The following PARP8 variants were observed in gnomAD, a reference collection of about 807,000 sequenced individuals.
PARP8 encodes poly(ADP-ribose) polymerase family member 8.
A neutral mutation model predicts 124.1 loss-of-function variants in PARP8; 51 were observed. The observed-to-expected ratio is 0.41, with a 90% CI of 0.33 to 0.52. PARP8 has a LOEUF of 0.52. Ranked by LOEUF, PARP8 falls within the 20% of genes least tolerant of loss-of-function variation. PARP8 has a pLI of 0.21. For missense variants in PARP8, 860 were observed against 1,018.9 expected, an observed-to-expected ratio of 0.84 and a Z score of 2.12; for synonymous variants, 391 against 361.5, an observed-to-expected ratio of 1.08 and a Z score of -0.93.
intron 2 of PARP8, among the ~76,000 whole-genome samples, chr5:50,703,877 T>A (rs1307188470): frequency 6.6e-6 from 1 of 151,938 alleles, no homozygotes. Context: ...CTAGCCTGCA[T>A]GATAAAATGA....
At chr5:50,798,452 G>T in intron 14 of PARP8, among the ~76,000 whole-genome samples, 1 of 146,146 alleles carries the variant, frequency 6.8e-6, no homozygotes, top group African/African-American at 2.5e-5. Flanking sequence ...ACAGAGTCTC[G>T]CTCTGTCACC....
chr5:50,819,613 G>GTATTTTTA (rs1427749397), intron 15 of PARP8, among the ~76,000 whole-genome samples: 2 of 151,604 alleles, frequency 1.3e-5, no homozygotes, highest in Non-Finnish European at 2.9e-5. Flanking sequence ...GCTAATTTTT[G>GTATTTTTA]TATTTTTAGT....
intron 25 of PARP8, among the ~76,000 whole-genome samples, chr5:50,839,187 CA>C (rs1174581337): frequency 6.6e-6 from 1 of 151,970 alleles, no homozygotes; most frequent in Non-Finnish European, 1.5e-5. Flanking sequence ...ATTTTTAAAG[CA>C]AATTGGTTAA....
At chr5:50,820,692 A>T (rs1015214681) in intron 15 of PARP8, among the ~76,000 whole-genome samples, 1 of 152,174 alleles carries the variant, frequency 6.6e-6, no homozygotes, top group Non-Finnish European at 1.5e-5. Context: ...TTCTCGCCAG[A>T]TGGTCGCATG....
intron 14 of PARP8, among the ~76,000 whole-genome samples, chr5:50,801,261 G>T (rs818984): frequency 1.3e-5 from 2 of 151,860 alleles, no homozygotes; most frequent in Non-Finnish European, 2.9e-5. Context: ...CACCACACCC[G>T]GCTAATTTTG....
At chr5:50,757,076 T>C (rs1468144728) in intron 3 of PARP8, 1 of 437,996 alleles carries the variant, frequency 2.3e-6, no homozygotes. Context: ...CAACCATCCA[T>C]TGATGAACAC....
chr5:50,780,433 A>G (rs760483986), intron 9 of PARP8, among the ~76,000 whole-genome samples: 5 of 152,216 alleles, frequency 3.3e-5, no homozygotes, highest in African/African-American at 4.8e-5. Context: ...CCCCATCTGT[A>G]TAAGATGATA....
chr5:50,837,000 A>AT (rs201064621), intron 25 of PARP8, among the ~76,000 whole-genome samples: 3,628 of 152,244 alleles, frequency 0.024, 115 homozygotes, highest in African/African-American at 0.071. Flanking sequence ...AGGCAGTACC[A>AT]TTTTTAGTAT....
chr5:50,713,939 T>G (rs557831189), intron 2 of PARP8, among the ~76,000 whole-genome samples: 109 of 152,172 alleles, frequency 7.2e-4, no homozygotes, highest in African/African-American at 2.4e-3. Context: ...CTCCTGGAGC[T>G]CCTGGCAGGA....
chr5:50,700,534 G>T (rs1354981207), intron 2 of PARP8, among the ~76,000 whole-genome samples: 2 of 152,182 alleles, frequency 1.3e-5, no homozygotes, highest in Non-Finnish European at 2.9e-5. Flanking sequence ...AGTGTGCTCT[G>T]TGGAATAAAT....
At chr5:50,796,190 A>G (rs1742530707) in intron 12 of PARP8, among the ~76,000 whole-genome samples, 1 of 152,202 alleles carries the variant, frequency 6.6e-6, no homozygotes, top group Non-Finnish European at 1.5e-5. Flanking sequence ...TGCTAAATAT[A>G]TATGTGTGTA....
At chr5:50,747,493 T>C (rs1758719923) in intron 2 of PARP8, among the ~76,000 whole-genome samples, 1 of 151,972 alleles carries the variant, frequency 6.6e-6, no homozygotes, top group Non-Finnish European at 1.5e-5. Context: ...CAAATTATGA[T>C]TGTTGAGTTG....
chr5:50,798,491 G>T (rs1322898049), intron 14 of PARP8, among the ~76,000 whole-genome samples: 1 of 151,404 alleles, frequency 6.6e-6, no homozygotes, highest in Non-Finnish European at 1.5e-5. Flanking sequence ...CACGATCTCG[G>T]CTCACTGCAA....
At position 50,666,776 on chromosome 5, in the gene PARP8, G is replaced by C; in HGVS notation, c.-320G>C. 1 of 903,110 alleles carries C rather than the reference G, an allele frequency of 1.1e-6. No individual in the cohort carries two copies. The highest frequency in any genetic ancestry group is 1.4e-6 in the Non-Finnish European group (1 of 710,416). The allele number at this position is 903,110 out of a possible 1,614,324, so 55.9% of individuals were successfully genotyped here. On this transcript the variant is annotated 5_prime_UTR_variant, in exon 1 of 26. Transcript: ENST00000281631. ...CCTCGGCCCCCACGGCCGTTGGTCC[G>C]GGCGGGTGAGGGAGAAAGTGAGACT...
At chr5:50,828,492 A>T in intron 21 of PARP8, 108 bp downstream of exon 21, 2 of 951,984 alleles carry the variant, frequency 2.1e-6, no homozygotes, top group Non-Finnish European at 3.3e-6. Flanking sequence ...CATGTGAGTA[A>T]GACATTATAT....
rs79601904 is a variant in PARP8 at position 50,688,091 on chromosome 5, T to C, written c.146+19966T>C. Among the ~76,000 whole-genome samples, 1,151 of 152,296 alleles carry C rather than the reference T, an allele frequency of 7.6e-3. 15 individuals carry two copies. The highest frequency in any genetic ancestry group is 0.026 in the African/African-American group (1,081 of 41,562). On this transcript the variant is annotated intron_variant, in intron 2 of 25. Coordinates refer to ENST00000281631, the MANE Select transcript of PARP8 (RefSeq NM_024615.4). ...CTGGAAGTTCTAGGCTCAGGGGATC[T>C]TCCTACCTTGGCTTCCCAAAGCTCT...
intron 14 of PARP8, among the ~76,000 whole-genome samples, chr5:50,802,978 A>G (rs563549102): frequency 6.6e-6 from 1 of 152,214 alleles, no homozygotes; most frequent in Non-Finnish European, 1.5e-5. Context: ...CCCTTCATTA[A>G]TTCCTGTGGG....
intron 2 of PARP8, among the ~76,000 whole-genome samples, chr5:50,713,012 G>T (rs2149491437): frequency 6.6e-6 from 1 of 152,070 alleles, no homozygotes; most frequent in South Asian, 2.1e-4. Flanking sequence ...AATTAAAAGA[G>T]TGAGTATAAG....
At position 50,845,092 on chromosome 5, in the gene PARP8, C is replaced by G. The variant is rs1416694799; in HGVS notation, c.*3024C>G. The G allele has an allele frequency of 1.3e-5, 2 of 151,278 alleles. No individual in the cohort carries two copies. Among genetic ancestry groups the G allele is most frequent in the Non-Finnish European group, 3.0e-5 (2 of 67,652 alleles). The allele number at this position is 151,278 out of a possible 1,614,324, so 9.4% of individuals were successfully genotyped here. A position where few individuals can be genotyped will look rare whatever the true frequency, so the allele number is the denominator to read the frequency against. On this transcript the variant is annotated 3_prime_UTR_variant, in exon 26 of 26. Transcript: ENST00000281631. ...ACCAACCCAAGCTATTGTTAATGCT[C>G]TGAATGTTTTTCTTTGAAAATTTAA...
Sources: allele counts gnomAD v4.1 joint callset (sites outside exome capture counted in the v4.1 genomes callset), GRCh38; gene constraint gnomAD v4.1.1; transcripts MANE v1.5; gene names NCBI Gene and HGNC (gene_info 2026-07-23, HGNC 2026-07-21).